TAFA2: variants seen among roughly 807,000 people sequenced by gnomAD.
TAFA2 encodes the protein TAFA chemokine like family member 2.
In TAFA2, 7 loss-of-function variants were observed where a neutral mutation model predicts 18.8. The observed-to-expected ratio is 0.37, with a 90% CI of 0.21 to 0.70. TAFA2 has a LOEUF of 0.70. TAFA2 is among the 30% of genes least tolerant of loss of function. The pLI, the probability that TAFA2 is intolerant of heterozygous loss-of-function variation, is 0.53. For synonymous variants in TAFA2, 60 were observed against 54.2 expected (o/e 1.11, Z -0.47); for missense variants, 122 against 158.1 (o/e 0.77, Z 1.23).
chr12:62,029,811 A>ATC (rs71450570), intron 1 of TAFA2, among the ~76,000 whole-genome samples: 33,481 of 145,730 alleles, frequency 0.23, 3,861 homozygotes, highest in East Asian at 0.32. Context: ...ATGTCTTCCT[A>ATC]TCTCTCTCTC....
intron 1 of TAFA2, among the ~76,000 whole-genome samples, chr12:62,020,338 T>C (rs9669794): frequency 0.35 from 52,734 of 152,040 alleles, 9,586 homozygotes; most frequent in Non-Finnish European, 0.39. Context: ...CATCCTTTCA[T>C]TTCTACTGGG....
At chr12:62,053,750 A>G (rs1882116033) in intron 1 of TAFA2, among the ~76,000 whole-genome samples, 1 of 152,168 alleles carries the variant, frequency 6.6e-6, no homozygotes, top group Admixed American at 6.5e-5. Context: ...ACCTGGTTCT[A>G]CTGCTTAGCA....
intron 2 of TAFA2, among the ~76,000 whole-genome samples, chr12:61,785,755 A>G (rs1870712821): frequency 6.6e-6 from 1 of 151,642 alleles, no homozygotes; most frequent in Non-Finnish European, 1.5e-5. Flanking sequence ...ATATATGACC[A>G]TAAGCATGCT....
At chr12:62,177,340 T>C (rs533506774) in intron 1 of TAFA2, among the ~76,000 whole-genome samples, 1 of 152,264 alleles carries the variant, frequency 6.6e-6, no homozygotes, top group Non-Finnish European at 1.5e-5. Context: ...AAAAGTGGAC[T>C]TCATGGTCTA....
intron 1 of TAFA2, among the ~76,000 whole-genome samples, chr12:61,980,513 A>G (rs1268599786): frequency 6.6e-6 from 1 of 152,192 alleles, no homozygotes; most frequent in East Asian, 1.9e-4. Flanking sequence ...GAGGAAGTCA[A>G]ATTGTCCCTG....
At chr12:61,761,797 C>T (rs1042448750) in intron 2 of TAFA2, among the ~76,000 whole-genome samples, 5 of 151,986 alleles carry the variant, frequency 3.3e-5, no homozygotes, top group African/African-American at 1.2e-4. Context: ...TCTTATAATG[C>T]CTGATATGGT....
chr12:62,068,303 G>C (rs1482339530), intron 1 of TAFA2, among the ~76,000 whole-genome samples: 3 of 152,006 alleles, frequency 2.0e-5, no homozygotes, highest in Admixed American at 2.0e-4. Flanking sequence ...CTCCACATAA[G>C]GTGACTTTCG....
intron 1 of TAFA2, among the ~76,000 whole-genome samples, chr12:62,230,577 T>A (rs895435592): frequency 6.6e-6 from 1 of 152,218 alleles, no homozygotes; most frequent in African/African-American, 2.4e-5. Flanking sequence ...AAAAGATATT[T>A]GATATTATTT....
At chr12:61,907,737 A>G (rs949446834) in intron 1 of TAFA2, among the ~76,000 whole-genome samples, 9 of 151,556 alleles carry the variant, frequency 5.9e-5, no homozygotes, top group Non-Finnish European at 1.2e-4. Context: ...AACACCTATG[A>G]AAGCAGGCAG....
At chr12:61,777,451 C>G (rs1870312881) in intron 2 of TAFA2, among the ~76,000 whole-genome samples, 1 of 151,770 alleles carries the variant, frequency 6.6e-6, no homozygotes, top group African/African-American at 2.4e-5. Flanking sequence ...GTCCAATTAT[C>G]CTATTATCCT....
intron 1 of TAFA2, among the ~76,000 whole-genome samples, chr12:61,929,038 T>A (rs1247335031): frequency 6.6e-6 from 1 of 151,802 alleles, no homozygotes; most frequent in Non-Finnish European, 1.5e-5. Flanking sequence ...GGAATAGCAT[T>A]AGGAGAAATA....
chr12:62,028,059 G>C (rs1255812822), intron 1 of TAFA2, among the ~76,000 whole-genome samples: 1 of 152,134 alleles, frequency 6.6e-6, no homozygotes, highest in Non-Finnish European at 1.5e-5. Flanking sequence ...GGTCAGACTG[G>C]TTGAGTTCAA....
At chr12:62,051,694 T>A (rs894229870) in intron 1 of TAFA2, among the ~76,000 whole-genome samples, 1 of 151,822 alleles carries the variant, frequency 6.6e-6, no homozygotes, top group Middle Eastern at 3.4e-3. Flanking sequence ...TGCATACCTG[T>A]CACCTGTCCA....
intron 1 of TAFA2, among the ~76,000 whole-genome samples, chr12:62,154,974 G>A (rs2062358524): frequency 1.3e-5 from 2 of 152,054 alleles, no homozygotes; most frequent in Admixed American, 1.3e-4. Flanking sequence ...AGAAATAAAG[G>A]GCATCCAATC....
intron 1 of TAFA2, among the ~76,000 whole-genome samples, chr12:62,033,354 AC>A (rs1426653632): frequency 6.6e-5 from 10 of 152,132 alleles, no homozygotes; most frequent in Admixed American, 6.5e-4. Flanking sequence ...ACTAAAAATG[AC>A]CTTCATTCAA....
At chr12:62,149,703 AAAATATAAGCATCATTTTTAAGG>A (rs2062314512) in intron 1 of TAFA2, among the ~76,000 whole-genome samples, 1 of 151,870 alleles carries the variant, frequency 6.6e-6, no homozygotes, top group South Asian at 2.1e-4. Context: ...TAACTATGAC[AAAATATAAGCATCATTTTTAAGG>A]TTCATTCTTC....
chr12:61,841,256 G>A (rs1269628203), intron 2 of TAFA2, among the ~76,000 whole-genome samples: 1 of 152,016 alleles, frequency 6.6e-6, no homozygotes, highest in African/African-American at 2.4e-5. Flanking sequence ...TTCAAAACTT[G>A]AATAACAGTG....
chr12:62,021,846 C>T, intron 1 of TAFA2: 1 of 797,416 alleles, frequency 1.3e-6, no homozygotes, highest in Non-Finnish European at 2.3e-6. Flanking sequence ...ATCCACAAAA[C>T]TTCATGGATT....
At chr12:62,211,336 T>C (rs1350820078) in intron 1 of TAFA2, among the ~76,000 whole-genome samples, 3 of 152,118 alleles carry the variant, frequency 2.0e-5, no homozygotes, top group African/African-American at 7.2e-5. Flanking sequence ...TCCCAGCACT[T>C]TGGCAGGCCA....
Sources: gnomAD v4.1 joint callset for allele counts (sites outside exome capture counted in the v4.1 genomes callset) on GRCh38, gnomAD v4.1.1 for gene constraint, MANE v1.5 for transcripts, NCBI Gene and HGNC (gene_info 2026-07-23, HGNC 2026-07-21) for gene names.